MACF1: variants seen among roughly 807,000 people sequenced by gnomAD.
The protein encoded by MACF1 is microtubule actin crosslinking factor 1, also known as microtubule-actin cross-linking factor 1.
In MACF1, 193 loss-of-function variants were observed where a neutral mutation model predicts 854.8. The observed-to-expected ratio is 0.23, with a 90% CI of 0.20 to 0.25. MACF1 has a LOEUF of 0.25. Among genes scored for constraint, MACF1 ranks in the 10% least tolerant of loss-of-function variants. The pLI, the probability that MACF1 is intolerant of heterozygous loss-of-function variation, is 1.00. For synonymous variants in MACF1, 3,185 were observed against 3,226.7 expected (o/e 0.99, Z 0.44); for missense variants, 7,722 against 8,929.1 (o/e 0.86, Z 5.45).
Position 39,357,826 on chromosome 1 carries a change from A to C in MACF1, c.11876A>C (p.Glu3959Ala), listed in dbSNP as rs761166572. The C allele has an allele frequency of 1.3e-5, 21 of 1,614,044 alleles. No individual in the cohort carries two copies. The African/African-American group carries it at 2.7e-4, about 21-fold the overall frequency. ...TTTAAGGAAGGCAAAGAACCATCAG[A>C]AATTGGAAACTTAGTAAAGGACAAG... Reference protein sequence around the residue: ...NSFKEGKEPSEIGNLVKDKLK... With the variant: ...NSFKEGKEPSAIGNLVKDKLK... The change falls in exon 45 of 101, where the codon GAA becomes GCA. Residue 3959 changes from glutamate to alanine, a missense_variant. By Grantham distance (107) the Glu-to-Ala change is moderately radical (BLOSUM62 -1). Coordinates refer to ENST00000564288, the MANE Select transcript of MACF1 (RefSeq NM_001394062.1).
chr1:39,200,931 G>A (rs1421761421), upstream of MACF1, among the ~76,000 whole-genome samples: 2 of 152,076 alleles, frequency 1.3e-5, no homozygotes, highest in African/African-American at 4.8e-5. Flanking sequence ...CAACAAGGAA[G>A]TTTCACTTGA....
intron 58 of MACF1, chr1:39,414,567 A>G (rs773978914): frequency 6.4e-7 from 1 of 1,556,970 alleles, no homozygotes; most frequent in Non-Finnish European, 8.7e-7. Flanking sequence ...TGGCACAGAT[A>G]GTTCTTTTGT....
chr1:39,429,196 T>C (rs749381341), intron 63 of MACF1, 46 bp from the exon 64 acceptor site: 1 of 985,012 alleles, frequency 1.0e-6, no homozygotes, highest in Non-Finnish European at 1.6e-6. Flanking sequence ...TTTTGTTTCA[T>C]TTGTAGTGCC....
chr1:39,366,597 T>C (rs1262315651), intron 49 of MACF1, among the ~76,000 whole-genome samples: 1 of 152,222 alleles, frequency 6.6e-6, no homozygotes, highest in Non-Finnish European at 1.5e-5. Flanking sequence ...GTTTTCATTA[T>C]TGATTTTTGT....
At chr1:39,256,306 C>T (rs1397628630) in intron 5 of MACF1, among the ~76,000 whole-genome samples, 1 of 151,946 alleles carries the variant, frequency 6.6e-6, no homozygotes, top group African/African-American at 2.4e-5. Flanking sequence ...ACTGGTAACC[C>T]ACCAACTGTC....
At chr1:39,408,277 G>A (rs1165213473) in intron 58 of MACF1, among the ~76,000 whole-genome samples, 2 of 152,190 alleles carry the variant, frequency 1.3e-5, no homozygotes, top group African/African-American at 4.8e-5. Flanking sequence ...ACCAGGACTT[G>A]ATATACTTGA....
intron 89 of MACF1, 72 bp from the exon 90 acceptor site, chr1:39,458,298 A>C (rs1398564252): frequency 4.7e-6 from 7 of 1,493,654 alleles, no homozygotes; most frequent in Non-Finnish European, 6.4e-6. Flanking sequence ...TACCCATCCT[A>C]GCTCTTCCTT....
chr1:39,184,468 A>T (rs1644142092), intron 2 of MACF1, among the ~76,000 whole-genome samples: 2 of 152,030 alleles, frequency 1.3e-5, no homozygotes, highest in Admixed American at 1.3e-4. Context: ...CCCTAGTTCC[A>T]TCTAGTATTT....
intron 58 of MACF1, among the ~76,000 whole-genome samples, chr1:39,406,146 C>T (rs570243491): frequency 4.6e-5 from 7 of 152,080 alleles, no homozygotes; most frequent in Non-Finnish European, 1.0e-4. Context: ...TTTGGAGGTG[C>T]GGTGGGAGGA....
At chr1:39,201,542 C>T (rs928780385), upstream of MACF1, among the ~76,000 whole-genome samples, 12 of 152,040 alleles carry the variant, frequency 7.9e-5, no homozygotes, top group South Asian at 4.2e-4. Flanking sequence ...TTAGTAGAGA[C>T]GGGGTTTCAC....
rs1262359195 is a variant in MACF1, at chr1:39,331,441, C to T, written c.4853C>T (p.Ala1618Val). Residue 1618 changes from alanine to valine, a missense_variant, in exon 37 of 101, where the codon GCC (alanine) becomes GTC (valine). Ala to Val is a moderately conservative substitution (Grantham distance 64). This residue lies in a region of MACF1 where 1,531 missense variants were observed against 1,601.6 expected (regional missense o/e 0.96). Coordinates refer to ENST00000564288, the MANE Select transcript of MACF1 (RefSeq NM_001394062.1). ...CAGCAGCTCCGGGAGCTACAGGATGCCCTGGCCTTAATAAGCAGGCTTACT... is the reference window on the plus strand; with the variant it reads ...CAGCAGCTCCGGGAGCTACAGGATGTCCTGGCCTTAATAAGCAGGCTTACT... ...MYQQLRELQDALALISRLTES... is the reference protein window; with the variant it reads ...MYQQLRELQDVLALISRLTES... 1 of 1,614,044 alleles carries T rather than the reference C, an allele frequency of 6.2e-7. No homozygotes were observed. The highest frequency in any genetic ancestry group is 1.7e-5 in the Admixed American group (1 of 60,010).
chr1:39,358,726 G>A lies in MACF1; in HGVS notation c.11973G>A (p.Met3991Ile), dbSNP rs192146426. The A allele has an allele frequency of 3.1e-6, 5 of 1,614,102 alleles. No homozygotes were observed. The East Asian group carries it at 1.1e-4, about 36-fold the overall frequency. ...CACGATTAGGATCTCACCTGAATAT[G>A]CTGTTAGGCCAGTATCATCAATTCC... is the stretch of plus-strand genomic sequence containing the variant. ...KCTRLGSHLN[M>I]LLGQYHQFQN... Residue 3991 changes from methionine (M) to isoleucine (I), a missense_variant, in exon 46 of 101, where the codon ATG (methionine) becomes ATA (isoleucine). This residue lies in a region of MACF1 where 2,807 missense variants were observed against 3,235.8 expected (regional missense o/e 0.87). Coordinates refer to ENST00000564288, the MANE Select transcript of MACF1 (RefSeq NM_001394062.1).
intron 80 of MACF1, among the ~76,000 whole-genome samples, chr1:39,446,134 T>G (rs1644224681): frequency 6.6e-6 from 1 of 152,194 alleles, no homozygotes; most frequent in Non-Finnish European, 1.5e-5. Flanking sequence ...TCAGAAATGG[T>G]CAGGCAAAAG....
chr1:39,317,919 G>A (rs1646443978), intron 29 of MACF1, among the ~76,000 whole-genome samples: 1 of 152,204 alleles, frequency 6.6e-6, no homozygotes, highest in African/African-American at 2.4e-5. Flanking sequence ...TTTGTAGGGA[G>A]AGGAGCTTAA....
rs535945629 is a variant in MACF1 at position 39,112,018 on chromosome 1, C to G, written c.220+27580C>G. On this transcript the variant is annotated intron_variant, in intron 2 of 93. Transcript: ENST00000361689. ...CTTAGCAACCTTAGCAACCCTTCCC[C>G]CTGTGTCCTGTGCCTTTGTTTACAT... Among the ~76,000 whole-genome samples the G allele has an allele frequency of 5.3e-5, 8 of 152,130 alleles. No individual in the cohort carries two copies. In the South Asian group the frequency reaches 8.3e-4, roughly 16 times the overall value.
At chr1:39,311,440 C>T (rs1251007514) in intron 26 of MACF1, among the ~76,000 whole-genome samples, 3 of 152,110 alleles carry the variant, frequency 2.0e-5, no homozygotes, top group Non-Finnish European at 4.4e-5. Flanking sequence ...AGCAAGTGAG[C>T]TCTCATCCCT....
At chr1:39,259,644 C>T (rs772474009) in intron 6 of MACF1, among the ~76,000 whole-genome samples, 24 of 150,876 alleles carry the variant, frequency 1.6e-4, no homozygotes, top group South Asian at 4.2e-4. Context: ...TTTTTTGAGA[C>T]GGAATTTCGC....
Position 39,486,866 on chromosome 1 carries a change from C to T in MACF1, c.*1072C>T, listed in dbSNP as rs138404184. The T allele has an allele frequency of 6.1e-3, 935 of 152,652 alleles. 17 individuals are homozygous for T. Among genetic ancestry groups the T allele is most frequent in the Non-Finnish European group, 5.9e-3 (402 of 68,020 alleles). The allele number at this position is 152,652 out of a possible 1,614,324, so 9.5% of individuals were successfully genotyped here. On this transcript the variant is annotated 3_prime_UTR_variant, in exon 101 of 101. Coordinates refer to ENST00000564288, the MANE Select transcript of MACF1 (RefSeq NM_001394062.1). Reference sequence around the variant, plus strand: ...TTTTTTAGCTGCTGTTCTTCAGCTCCGACCATGTTGCTGTGTGATTATCTC... The same window carrying T: ...TTTTTTAGCTGCTGTTCTTCAGCTCTGACCATGTTGCTGTGTGATTATCTC...
chr1:39,428,356 T>C (rs1204770356), intron 63 of MACF1, 69 bp downstream of exon 63: 2 of 1,407,484 alleles, frequency 1.4e-6, no homozygotes, highest in Non-Finnish European at 1.9e-6. Context: ...ATGTTTCTCT[T>C]CATTTATTTT....
Sources: gnomAD v4.1 joint callset for allele counts (sites outside exome capture counted in the v4.1 genomes callset) on GRCh38, gnomAD v4.1.1 for gene constraint, gnomAD v4.1.1 regional missense constraint, MANE v1.5 for transcripts, NCBI Gene and HGNC (gene_info 2026-07-23, HGNC 2026-07-21) for gene names.